VGLL4: variants seen among roughly 807,000 people sequenced by gnomAD.
VGLL4 encodes transcription cofactor vestigial-like protein 4.
Under a neutral mutation model 21.0 loss-of-function variants are expected in VGLL4, and 7 were observed. That is an observed-to-expected ratio of 0.33 (90% CI 0.19 to 0.63). VGLL4 has a LOEUF of 0.63. Ranked by LOEUF, VGLL4 falls within the 20% of genes least tolerant of loss-of-function variation. The probability of loss-of-function intolerance (pLI) is 0.78; values close to 1 mark genes in which losing one functional copy is unlikely to be tolerated. For synonymous variants in VGLL4, 222 were observed against 173.2 expected, an observed-to-expected ratio of 1.28 and a Z score of -2.21; for missense variants, 394 against 425.7, an observed-to-expected ratio of 0.93 and a Z score of 0.66.
chr3:11,561,735 C>T (rs2164426), intron 3 of VGLL4, among the ~76,000 whole-genome samples: 4 of 152,156 alleles, frequency 2.6e-5, no homozygotes, highest in African/African-American at 4.8e-5. Context: ...AGTTACGCTG[C>T]GGATTTGTGG....
chr3:11,669,829 C>T (rs1336850592), intron 2 of VGLL4, among the ~76,000 whole-genome samples: 2 of 152,192 alleles, frequency 1.3e-5, no homozygotes, highest in Non-Finnish European at 2.9e-5. Flanking sequence ...ACAGGGCACA[C>T]ACCACCATGT....
intron 1 of VGLL4, among the ~76,000 whole-genome samples, chr3:11,707,591 T>C (rs908426766): frequency 6.6e-6 from 1 of 150,888 alleles, no homozygotes; most frequent in Non-Finnish European, 1.5e-5. Flanking sequence ...GGCTCAGCCA[T>C]GTAATCCCAG....
In VGLL4 at chr3:11,562,397, G is replaced by C. The variant is rs145950767; in HGVS notation, c.495+2400C>G. 3.2e-3 allele frequency among the ~76,000 whole-genome samples: 489 copies of C among 152,186 alleles called. 3 individuals carry two copies. The highest frequency in any genetic ancestry group is 0.01 in the African/African-American group (436 of 41,530). On this transcript the variant is annotated intron_variant, in intron 3 of 4. Transcript: ENST00000430365. ...TCTGAGACACATTTTCTGCCACACA[G>C]AGGAAGGCTTCCACCGTGCCCACCC...
chr3:11,629,996 C>A (rs1381563322), intron 1 of VGLL4, among the ~76,000 whole-genome samples: 4 of 152,140 alleles, frequency 2.6e-5, no homozygotes, highest in African/African-American at 7.2e-5. Context: ...AAAAAAGAGT[C>A]TTCTGTGCCA....
chr3:11,645,323 G>C (rs1575490262), upstream of VGLL4, among the ~76,000 whole-genome samples: 2 of 151,894 alleles, frequency 1.3e-5, no homozygotes, highest in Admixed American at 1.3e-4. Context: ...AGGCGCGGTG[G>C]CTCACGCCTG....
chr3:11,688,670 T>C (rs922459978), intron 2 of VGLL4, among the ~76,000 whole-genome samples: 14 of 149,872 alleles, frequency 9.3e-5, no homozygotes, highest in Admixed American at 3.3e-4. Flanking sequence ...AAACAGTTTT[T>C]GGTTGTCAGT....
intron 1 of VGLL4, among the ~76,000 whole-genome samples, chr3:11,608,550 G>A (rs1369588177): frequency 2.6e-5 from 4 of 152,220 alleles, no homozygotes; most frequent in Admixed American, 2.6e-4. Flanking sequence ...GAATCACCTC[G>A]CTTTATGCTG....
chr3:11,702,139 G>A (rs1486730253), intron 2 of VGLL4, among the ~76,000 whole-genome samples: 1 of 151,970 alleles, frequency 6.6e-6, no homozygotes, highest in Non-Finnish European at 1.5e-5. Context: ...AATGACGTTC[G>A]ATGATTTTTT....
At chr3:11,689,783 C>T (rs1011459923) in intron 2 of VGLL4, among the ~76,000 whole-genome samples, 11 of 152,334 alleles carry the variant, frequency 7.2e-5, no homozygotes, top group Middle Eastern at 3.4e-3. Context: ...TGTAAGAGGA[C>T]AGAAAGTGTC....
chr3:11,689,471 T>C (rs893045794), intron 2 of VGLL4, among the ~76,000 whole-genome samples: 1 of 152,232 alleles, frequency 6.6e-6, no homozygotes, highest in Non-Finnish European at 1.5e-5. Context: ...TTAATGTCCA[T>C]GAACTTTCTT....
At position 11,653,587 on chromosome 3, in the gene VGLL4, T is replaced by C. The variant is rs1034549218; in HGVS notation, c.64+49384A>G. Reference sequence around the variant, plus strand: ...GGGGTTATTATAAATAGTGCTGCTATGAATATTCTAGTGTGTGTCTCTTAT... The same window carrying C: ...GGGGTTATTATAAATAGTGCTGCTACGAATATTCTAGTGTGTGTCTCTTAT... On this transcript the variant is annotated intron_variant, in intron 2 of 5. Coordinates refer to the VGLL4 transcript ENST00000273038. The surrounding 1 kb of genome is among the most constrained non-coding windows in gnomAD (Gnocchi z 4.2). 6.6e-6 allele frequency among the ~76,000 whole-genome samples: 1 copy of C among 152,236 alleles called. No individual in the cohort carries two copies. Among genetic ancestry groups the C allele is most frequent in the Non-Finnish European group, 1.5e-5 (1 of 68,040 alleles).
At chr3:11,655,115 A>C (rs938080220) in intron 2 of VGLL4, among the ~76,000 whole-genome samples, 2 of 152,216 alleles carry the variant, frequency 1.3e-5, no homozygotes, top group Admixed American at 1.3e-4. Flanking sequence ...CATACATTAC[A>C]ATCACCCAGG....
intron 1 of VGLL4, among the ~76,000 whole-genome samples, chr3:11,641,204 T>TTA (rs1379669094): frequency 6.6e-6 from 1 of 152,044 alleles, no homozygotes; most frequent in Non-Finnish European, 1.5e-5. Context: ...ATGGTATAAT[T>TTA]TAGCTGGTAA....
intron 2 of VGLL4, among the ~76,000 whole-genome samples, chr3:11,682,948 C>G (rs2076397140): frequency 6.6e-6 from 1 of 152,040 alleles, no homozygotes; most frequent in Non-Finnish European, 1.5e-5. Context: ...ACACGAGAGG[C>G]CAGGCGCGGT....
chr3:11,690,238 T>C (rs2076507953), intron 2 of VGLL4, among the ~76,000 whole-genome samples: 1 of 152,216 alleles, frequency 6.6e-6, no homozygotes, highest in Non-Finnish European at 1.5e-5. Context: ...TCCCATCTGT[T>C]TTCAGTCTTC....
At chr3:11,645,550 A>ACTGCAGT (rs60407780), upstream of VGLL4, among the ~76,000 whole-genome samples, 1 of 78,794 alleles carries the variant, frequency 1.3e-5, no homozygotes, top group Admixed American at 1.5e-4. Context: ...AGATTGCGCC[A>ACTGCAGT]CTGCAGTCTG....
At chr3:11,627,201 T>TACACACACACACACACACACAC (rs59275196) in intron 1 of VGLL4, 24 of 140,832 alleles carry the variant, frequency 1.7e-4, no homozygotes, top group South Asian at 9.5e-4. Context: ...GTTTGTTTTA[T>TACACACACACACACACACACAC]ACACACACAC....
chr3:11,584,575 A>C (rs529843326), intron 2 of VGLL4, among the ~76,000 whole-genome samples: 13 of 152,294 alleles, frequency 8.5e-5, no homozygotes, highest in African/African-American at 2.6e-4. Flanking sequence ...CTTCTATAAA[A>C]GTGGGAATAT....
intron 2 of VGLL4, among the ~76,000 whole-genome samples, chr3:11,691,477 G>C (rs1466878573): frequency 6.6e-6 from 1 of 152,112 alleles, no homozygotes; most frequent in Non-Finnish European, 1.5e-5. Flanking sequence ...GATCTGTATA[G>C]CATTTGCCAT....
Sources: allele counts gnomAD v4.1 joint callset (sites outside exome capture counted in the v4.1 genomes callset), GRCh38; gene constraint gnomAD v4.1.1; non-coding constraint Gnocchi (gnomAD v3.1); transcripts MANE v1.5; gene names NCBI Gene and HGNC (gene_info 2026-07-23, HGNC 2026-07-21).